Variants in SCN8A observed in about 807,000 individuals in gnomAD.
The protein encoded by SCN8A is sodium voltage-gated channel alpha subunit 8, also known as sodium channel protein type 8 subunit alpha.
SCN8A carries 30 observed loss-of-function variants against 184.1 expected under a neutral mutation model. The ratio of observed to expected loss-of-function variants is 0.16; its 90% CI spans 0.12 to 0.22. SCN8A has a LOEUF of 0.22. Among genes scored for constraint, SCN8A ranks in the 10% least tolerant of loss-of-function variants. The pLI, the probability that SCN8A is intolerant of heterozygous loss-of-function variation, is 1.00. For synonymous variants in SCN8A, 852 were observed against 907.0 expected (o/e 0.94, Z 1.09); for missense variants, 1,057 against 2,498.9 (o/e 0.42, Z 12.30).
chr12:51,672,152 TCCTCACTTGA>T (rs1444553299), intron 2 of SCN8A, among the ~76,000 whole-genome samples: 1 of 152,170 alleles, frequency 6.6e-6, no homozygotes, highest in Non-Finnish European at 1.5e-5. Context: ...TCCTAATGAA[TCCTCACTTGA>T]CCTCCTGTCC....
intron 1 of SCN8A, among the ~76,000 whole-genome samples, chr12:51,630,101 G>A (rs775685741): frequency 5.3e-5 from 8 of 152,198 alleles, no homozygotes; most frequent in Non-Finnish European, 1.0e-4. Flanking sequence ...TTGAAAAATT[G>A]TGGTAAAATA....
intron 1 of SCN8A, among the ~76,000 whole-genome samples, chr12:51,597,796 A>G (rs1718130182): frequency 6.6e-6 from 1 of 152,210 alleles, no homozygotes; most frequent in Non-Finnish European, 1.5e-5. Context: ...CCTGTAAACA[A>G]GTAGGGCTTA....
chr12:51,624,781 A>G (rs1387716756), intron 1 of SCN8A, among the ~76,000 whole-genome samples: 4 of 152,154 alleles, frequency 2.6e-5, no homozygotes, highest in Non-Finnish European at 5.9e-5. Context: ...TCTTGAATTA[A>G]TTTTTGTATA....
At chr12:51,803,321 CCTT>C (rs1473165944) in intron 26 of SCN8A, among the ~76,000 whole-genome samples, 5 of 151,982 alleles carry the variant, frequency 3.3e-5, no homozygotes, top group African/African-American at 7.3e-5. Context: ...GCTTCTTCCA[CCTT>C]CTTCTGCTTG....
chr12:51,622,927 A>G (rs1217555253), intron 1 of SCN8A, among the ~76,000 whole-genome samples: 1 of 152,110 alleles, frequency 6.6e-6, no homozygotes, highest in Non-Finnish European at 1.5e-5. Context: ...ACTTGTATTT[A>G]TTTTATACCT....
At chr12:51,749,286 T>C (rs1942559721) in intron 13 of SCN8A, among the ~76,000 whole-genome samples, 1 of 152,206 alleles carries the variant, frequency 6.6e-6, no homozygotes, top group Admixed American at 6.5e-5. Flanking sequence ...AGGAATTTTC[T>C]TGGTGCCCTG....
At chr12:51,746,176 C>A in intron 13 of SCN8A, 141 bp downstream of exon 13, 1 of 742,608 alleles carries the variant, frequency 1.3e-6, no homozygotes, top group South Asian at 3.3e-5. Flanking sequence ...TATATAGAAA[C>A]TAGAATCACA....
rs149213741 is a variant in SCN8A at position 51,774,711 on chromosome 12, T to C, written c.3819+349T>C. On this transcript the variant is annotated intron_variant, in intron 20 of 26. Transcript: ENST00000627620. ...CCCCAGGCCAGCAGGATGTCTTCTT[T>C]TTGTGGCTGGGAGAAGGGGTGAGAG... Among the ~76,000 whole-genome samples, 19 of 152,178 alleles carry C rather than the reference T, an allele frequency of 1.2e-4. No individual in the cohort carries two copies. The East Asian group carries it at 3.3e-3, about 26-fold the overall frequency.
chr12:51,777,272 AT>A (rs1257073293), intron 20 of SCN8A, among the ~76,000 whole-genome samples: 2 of 151,596 alleles, frequency 1.3e-5, no homozygotes, highest in Non-Finnish European at 2.9e-5. Flanking sequence ...CATTTTTAAA[AT>A]TTTTTTAGGT....
intron 6 of SCN8A, among the ~76,000 whole-genome samples, chr12:51,692,372 AAGG>A (rs756217468): frequency 5.9e-5 from 9 of 152,238 alleles, no homozygotes; most frequent in Non-Finnish European, 1.0e-4. Context: ...ATTGGACAGT[AAGG>A]TGCATCAGTT....
intron 2 of SCN8A, among the ~76,000 whole-genome samples, chr12:51,677,641 A>G (rs1290334648): frequency 1.3e-5 from 2 of 152,162 alleles, no homozygotes; most frequent in Admixed American, 1.3e-4. Context: ...AACAATGGCA[A>G]TGCTTCTACA....
chr12:51,636,846 T>C (rs531025419), intron 1 of SCN8A, among the ~76,000 whole-genome samples: 1 of 152,340 alleles, frequency 6.6e-6, no homozygotes, highest in Admixed American at 6.5e-5. Flanking sequence ...GTAAGCAAAA[T>C]GAAATACATA....
chr12:51,721,753 A>G lies in SCN8A; in HGVS notation c.1843A>G (p.Ser615Gly). The change falls in exon 12 of 27, where the codon AGC becomes GGC. Residue 615 changes from serine to glycine, a missense_variant. By Grantham distance (56) the Ser-to-Gly change is moderately conservative. This residue lies in a region of SCN8A where 322 missense variants were observed against 390.1 expected (regional missense o/e 0.83). Coordinates refer to ENST00000627620, the MANE Select transcript of SCN8A (RefSeq NM_001330260.2). ...IRARERRSSY[S>G]GYSGYSQGSR... is the part of the protein sequence containing the mutation. ...GGCCCGCGAGCGCCGGAGCAGCTAC[A>G]GCGGCTACAGCGGCTACAGCCAGGG... The G allele has an allele frequency of 6.2e-6, 10 of 1,607,468 alleles. No individual in the cohort carries two copies. Among genetic ancestry groups the G allele is most frequent in the South Asian group, 1.1e-5 (1 of 90,740 alleles).
At chr12:51,728,586 T>C (rs1942190510) in intron 12 of SCN8A, among the ~76,000 whole-genome samples, 1 of 151,870 alleles carries the variant, frequency 6.6e-6, no homozygotes, top group South Asian at 2.1e-4. Context: ...AATTAAAAAA[T>C]TAGCTGGGTG....
chr12:51,682,202 C>A (rs1197710251), intron 2 of SCN8A, among the ~76,000 whole-genome samples: 1 of 152,070 alleles, frequency 6.6e-6, no homozygotes, highest in East Asian at 1.9e-4. Context: ...GGTGTGCAAC[C>A]CTTTTTATAT....
chr12:51,655,960 A>G (rs1375041086), intron 1 of SCN8A, among the ~76,000 whole-genome samples: 1 of 152,238 alleles, frequency 6.6e-6, no homozygotes. Context: ...ATAGCTTTGC[A>G]TCTGTCACTA....
intron 21 of SCN8A, among the ~76,000 whole-genome samples, chr12:51,782,741 G>T (rs1289304938): frequency 2.0e-5 from 3 of 152,164 alleles, no homozygotes; most frequent in Non-Finnish European, 4.4e-5. Flanking sequence ...TGCTCATGAG[G>T]CAGTTATTTG....
chr12:51,741,211 A>G (rs1255817059), intron 12 of SCN8A, among the ~76,000 whole-genome samples: 1 of 152,218 alleles, frequency 6.6e-6, no homozygotes, highest in Non-Finnish European at 1.5e-5. Flanking sequence ...ATTATGTACT[A>G]GCGATCTCTG....
chr12:51,762,755 A>G, intron 15 of SCN8A, 79 bp downstream of exon 15: 1 of 1,282,274 alleles, frequency 7.8e-7, no homozygotes, highest in Non-Finnish European at 1.0e-6. Flanking sequence ...AATTAATTTG[A>G]TGATTTAAAA....
Sources: gnomAD v4.1 joint callset for allele counts (sites outside exome capture counted in the v4.1 genomes callset) on GRCh38, gnomAD v4.1.1 for gene constraint, gnomAD v4.1.1 regional missense constraint, MANE v1.5 for transcripts, NCBI Gene and HGNC (gene_info 2026-07-23, HGNC 2026-07-21) for gene names.